Variants in GLI3 observed in about 807,000 individuals in gnomAD.
GLI3 encodes GLI family zinc finger 3.
In GLI3, 20 loss-of-function variants were observed where a neutral mutation model predicts 100.8. That is an observed-to-expected ratio of 0.20 (90% CI 0.14 to 0.29). The LOEUF (loss-of-function observed/expected upper bound fraction) is 0.29. GLI3 is among the 10% of genes least tolerant of loss of function. The probability of loss-of-function intolerance (pLI) is 1.00; values close to 1 mark genes in which losing one functional copy is unlikely to be tolerated. For missense variants in GLI3, 2,040 were observed against 2,128.5 expected (o/e 0.96, Z 0.82); for synonymous variants, 938 against 860.5 (o/e 1.09, Z -1.58).
intron 10 of GLI3, among the ~76,000 whole-genome samples, chr7:42,006,576 G>A (rs992493757): frequency 6.6e-6 from 1 of 152,200 alleles, no homozygotes; most frequent in Non-Finnish European, 1.5e-5. Flanking sequence ...GCATGTGTAT[G>A]AGGCTACAGA....
At chr7:42,249,454 C>T (rs1456074647) in intron 1 of GLI3, among the ~76,000 whole-genome samples, 1 of 152,058 alleles carries the variant, frequency 6.6e-6, no homozygotes, top group Non-Finnish European at 1.5e-5. Flanking sequence ...GGTGGAAGGC[C>T]ATATTTAGTC....
chr7:42,106,691 C>T (rs1406165703), intron 3 of GLI3, among the ~76,000 whole-genome samples: 1 of 152,186 alleles, frequency 6.6e-6, no homozygotes, highest in Non-Finnish European at 1.5e-5. Context: ...TAAAGTTACT[C>T]ATTTTCAAAG....
intron 2 of GLI3, among the ~76,000 whole-genome samples, chr7:42,187,864 G>A (rs989856643): frequency 2.0e-5 from 3 of 151,824 alleles, no homozygotes; most frequent in Admixed American, 6.6e-5. Flanking sequence ...TTAGCTGGGC[G>A]TGGTGACAGG....
chr7:41,965,992 G>T lies in GLI3; in HGVS notation c.3081C>A (p.Leu1027=). 6.2e-7 allele frequency: 1 copy of T among 1,604,524 alleles called. No homozygotes were observed. The part of the protein sequence containing the change: ...ALPRVPRFSS[L]SSCNPPAMAT... ...CCATCGCCGGGGGGTTGCAGCTGCT[G>T]AGGCTGCTGAAGCGCGGCACACGAG... The change falls in exon 15 of 15, where the codon CTC becomes CTA. Residue 1027 remains leucine (L), a synonymous_variant. Coordinates refer to ENST00000395925, the MANE Select transcript of GLI3 (RefSeq NM_000168.6).
intron 3 of GLI3, among the ~76,000 whole-genome samples, chr7:42,128,191 G>C (rs1786183624): frequency 6.6e-6 from 1 of 151,896 alleles, no homozygotes; most frequent in African/African-American, 2.4e-5. Context: ...CTGTAATAAG[G>C]GAGCACTCAA....
chr7:42,119,756 T>C (rs1363160901), intron 3 of GLI3, among the ~76,000 whole-genome samples: 1 of 152,250 alleles, frequency 6.6e-6, no homozygotes, highest in African/African-American at 2.4e-5. Context: ...AGGTCCATTC[T>C]AAACAACATT....
At chr7:42,192,836 C>T (rs925503562) in intron 2 of GLI3, among the ~76,000 whole-genome samples, 2 of 152,170 alleles carry the variant, frequency 1.3e-5, no homozygotes, top group Non-Finnish European at 2.9e-5. Flanking sequence ...CTTTGGCAGT[C>T]CCTTCTCTAC....
chr7:42,214,838 C>T (rs1788342577), intron 2 of GLI3, among the ~76,000 whole-genome samples: 1 of 145,038 alleles, frequency 6.9e-6, no homozygotes, highest in Non-Finnish European at 1.5e-5. Flanking sequence ...TTAAATTGGC[C>T]TAAAATGTAC....
At chr7:42,192,557 A>G (rs1304978600) in intron 2 of GLI3, among the ~76,000 whole-genome samples, 1 of 152,254 alleles carries the variant, frequency 6.6e-6, no homozygotes, top group Non-Finnish European at 1.5e-5. Flanking sequence ...ACTTTCTTTA[A>G]CAAGTCCTTA....
At chr7:42,182,644 G>GTATATATATATATATATA (rs764864618) in intron 2 of GLI3, among the ~76,000 whole-genome samples, 3 of 51,670 alleles carry the variant, frequency 5.8e-5, no homozygotes, top group East Asian at 4.4e-4. Flanking sequence ...ATATGTGTGT[G>GTATATATATATATATATA]TATATATATA....
At chr7:42,241,593 G>A (rs1346994993), upstream of GLI3, among the ~76,000 whole-genome samples, 1 of 152,172 alleles carries the variant, frequency 6.6e-6, no homozygotes, top group Non-Finnish European at 1.5e-5. Flanking sequence ...TAAGTGCATC[G>A]CACACGGGGC....
chr7:42,058,448 A>C (rs1203754508), intron 4 of GLI3, among the ~76,000 whole-genome samples: 1 of 152,242 alleles, frequency 6.6e-6, no homozygotes, highest in Non-Finnish European at 1.5e-5. Context: ...GATTTCCCAC[A>C]GTGGTTTCAA....
chr7:42,257,394 C>T (rs1301236753), intron 1 of GLI3, among the ~76,000 whole-genome samples: 4 of 142,310 alleles, frequency 2.8e-5, no homozygotes, highest in African/African-American at 7.8e-5. Flanking sequence ...CTCGCTCTGT[C>T]GCCCAGGCTG....
Position 41,966,113 on chromosome 7 carries a change from T to C in GLI3, c.2960A>G (p.Tyr987Cys), listed in dbSNP as rs777313061. 4.2e-5 allele frequency: 66 copies of C among 1,577,058 alleles called. No individual in the cohort carries two copies. The highest frequency in any genetic ancestry group is 5.6e-5 in the Non-Finnish European group (65 of 1,167,188). ...GTGCGGCTGCAGGTGGCGCCGCCCG[T>C]AGCCGTGGGCTCCCCCGTCGCTGCA... is the stretch of plus-strand genomic sequence containing the variant. The part of the protein sequence containing the change: ...RRCSDGGAHG[Y>C]GRRHLQPHDA... The change falls in exon 15 of 15, where the codon TAC becomes TGC. Residue 987 changes from tyrosine to cysteine, a missense_variant. This residue lies in a region of GLI3 where 1,041 missense variants were observed against 924.0 expected (regional missense o/e 1.13). Transcript: ENST00000395925. The surrounding 1 kb of genome is among the most constrained non-coding windows in gnomAD (Gnocchi z 5.8).
At chr7:42,070,052 G>A (rs186052412) in intron 4 of GLI3, among the ~76,000 whole-genome samples, 180 of 152,228 alleles carry the variant, frequency 1.2e-3, no homozygotes, top group African/African-American at 4.0e-3. Flanking sequence ...TGGGTTTACC[G>A]CTATAATCAC....
At chr7:42,063,508 A>G (rs1180995417) in intron 4 of GLI3, among the ~76,000 whole-genome samples, 1 of 152,230 alleles carries the variant, frequency 6.6e-6, no homozygotes, top group African/African-American at 2.4e-5. Flanking sequence ...AAAGGGAAAT[A>G]TAAGCAAAAT....
Position 41,972,214 on chromosome 7 carries a change from C to T in GLI3, c.2103+123G>A, listed in dbSNP as rs1026884298. The stretch of plus-strand genomic sequence containing the variant: ...AAGCAATACGGGTCACTGCCCTCAT[C>T]GCCTCCTCAGATCAGAGACAGCCTG... On this transcript the variant is annotated intron_variant, in intron 13 of 14. Transcript: ENST00000395925. The surrounding 1 kb of genome is among the most constrained non-coding windows in gnomAD (Gnocchi z 4.4). 3.3e-6 allele frequency: 3 copies of T among 909,150 alleles called. No individual in the cohort carries two copies. Among genetic ancestry groups the T allele is most frequent in the Admixed American group, 1.7e-5 (1 of 58,884 alleles). The allele number at this position is 909,150 out of a possible 1,614,324, so 56.3% of individuals were successfully genotyped here. A position where few individuals can be genotyped will look rare whatever the true frequency, so the allele number is the denominator to read the frequency against.
chr7:42,236,866 A>G (rs1788811912), intron 1 of GLI3, 105 bp downstream of exon 1: 1 of 151,898 alleles, frequency 6.6e-6, no homozygotes, highest in Non-Finnish European at 1.5e-5. Flanking sequence ...TTTTCACTCC[A>G]TCCCGTCCCC....
chr7:41,995,521 G>A (rs1261874728), intron 10 of GLI3, among the ~76,000 whole-genome samples: 2 of 152,072 alleles, frequency 1.3e-5, no homozygotes, highest in African/African-American at 4.8e-5. Context: ...AGTGCACCAT[G>A]AGTTTGTGGC....
Sources: gnomAD v4.1 joint callset for allele counts (sites outside exome capture counted in the v4.1 genomes callset) on GRCh38, gnomAD v4.1.1 for gene constraint, gnomAD v4.1.1 regional missense constraint, Gnocchi (gnomAD v3.1) non-coding constraint, MANE v1.5 for transcripts, NCBI Gene and HGNC (gene_info 2026-07-23, HGNC 2026-07-21) for gene names.